NEK11: variants seen among roughly 807,000 people sequenced by gnomAD.
NEK11 encodes the protein NIMA related kinase 11, also known as serine/threonine-protein kinase Nek11.
A neutral mutation model predicts 80.7 loss-of-function variants in NEK11; 72 were observed. The observed-to-expected ratio is 0.89, with a 90% CI of 0.74 to 1.08. The LOEUF is 1.08. Among genes scored for constraint, NEK11 ranks in the 50% least tolerant of loss-of-function variants. The pLI is 0.00. For missense variants in NEK11, 764 were observed against 763.6 expected (o/e 1.00, Z -0.01); for synonymous variants, 251 against 260.7 (o/e 0.96, Z 0.36).
intron 17 of NEK11, among the ~76,000 whole-genome samples, chr3:131,317,825 G>GGGGGAGGGAGGGGGAGGGGAGGGGA (rs1381037538): frequency 1.4e-3 from 1 of 700 alleles, no homozygotes; most frequent in African/African-American, 4.9e-3. Flanking sequence ...AGGGGGAGGG[G>GGGGGAGGGAGGGGGAGGGGAGGGGA]AGGGGAGGGA....
At chr3:131,110,753 C>T (rs924248447) in intron 5 of NEK11, among the ~76,000 whole-genome samples, 2 of 152,012 alleles carry the variant, frequency 1.3e-5, no homozygotes, top group Admixed American at 1.3e-4. Context: ...TCTAACTATC[C>T]GTGGATGTCA....
At chr3:131,330,765 C>A (rs1015448647) in intron 17 of NEK11, 2 of 152,102 alleles carry the variant, frequency 1.3e-5, no homozygotes, top group African/African-American at 2.4e-5. Flanking sequence ...TAACAGAACA[C>A]CACAATCTGA....
chr3:131,030,689 C>T (rs969320760), intron 3 of NEK11, among the ~76,000 whole-genome samples: 2 of 152,196 alleles, frequency 1.3e-5, no homozygotes, highest in African/African-American at 4.8e-5. Context: ...AATGGACACT[C>T]CTATTTAAAA....
chr3:131,085,855 G>A (rs1181327724), intron 4 of NEK11, among the ~76,000 whole-genome samples: 1 of 152,038 alleles, frequency 6.6e-6, no homozygotes, highest in Non-Finnish European at 1.5e-5. Flanking sequence ...TCCAATCCAG[G>A]ATTCTACATT....
chr3:131,106,987 A>T lies in NEK11; in HGVS notation c.337-2816A>T, dbSNP rs188760044. 7.6e-3 allele frequency among the ~76,000 whole-genome samples: 1,163 copies of T among 152,222 alleles called. 15 individuals are homozygous for T. The highest frequency in any genetic ancestry group is 0.026 in the African/African-American group (1,082 of 41,562). On this transcript the variant is annotated intron_variant, in intron 4 of 17. Coordinates refer to ENST00000383366, the MANE Select transcript of NEK11 (RefSeq NM_024800.5). ...CTTTTGACTGATATTTGTAGAAAAGACTTAAGATTTTTTCCATTGGCCTTC... is the reference window on the plus strand; with the variant it reads ...CTTTTGACTGATATTTGTAGAAAAGTCTTAAGATTTTTTCCATTGGCCTTC...
chr3:131,059,036 A>T (rs2070271805), intron 3 of NEK11, among the ~76,000 whole-genome samples: 1 of 152,198 alleles, frequency 6.6e-6, no homozygotes, highest in Non-Finnish European at 1.5e-5. Flanking sequence ...CAAAAGAAAG[A>T]TTAAAAAAAT....
At chr3:131,031,386 T>G (rs1207583446) in intron 3 of NEK11, among the ~76,000 whole-genome samples, 1 of 152,178 alleles carries the variant, frequency 6.6e-6, no homozygotes, top group African/African-American at 2.4e-5. Context: ...CTGACAATTA[T>G]TAGATAACCT....
intron 4 of NEK11, among the ~76,000 whole-genome samples, chr3:131,101,962 T>A (rs1176625976): frequency 6.6e-6 from 1 of 152,212 alleles, no homozygotes. Flanking sequence ...TAAGCCTTTA[T>A]CATTATGTAA....
chr3:131,254,857 TA>T (rs2095775671), intron 16 of NEK11, among the ~76,000 whole-genome samples: 1 of 151,892 alleles, frequency 6.6e-6, no homozygotes, highest in African/African-American at 2.4e-5. Flanking sequence ...CCGTCTCTAC[TA>T]AAAATACAAA....
intron 17 of NEK11, among the ~76,000 whole-genome samples, chr3:131,309,987 TAAAAAAAAAAAAAAAA>T (rs558210123): frequency 3.4e-4 from 8 of 23,306 alleles, no homozygotes; most frequent in Non-Finnish European, 4.3e-4. Flanking sequence ...AGACCATGTT[TAAAAAAAAAAAAAAAA>T]AAAAAAAAAA....
At chr3:131,213,508 G>T (rs1344787041) in intron 14 of NEK11, among the ~76,000 whole-genome samples, 1 of 152,174 alleles carries the variant, frequency 6.6e-6, no homozygotes, top group African/African-American at 2.4e-5. Context: ...CTTTGTTAAT[G>T]AGAAAATACA....
At chr3:131,334,639 G>A (rs1458110471) in intron 17 of NEK11, among the ~76,000 whole-genome samples, 3 of 151,672 alleles carry the variant, frequency 2.0e-5, no homozygotes, top group African/African-American at 7.3e-5. Context: ...GAAGGAAATA[G>A]AGACACAAAA....
intron 14 of NEK11, among the ~76,000 whole-genome samples, chr3:131,192,171 TAA>T (rs2093822815): frequency 6.6e-6 from 1 of 152,068 alleles, no homozygotes; most frequent in African/African-American, 2.4e-5. Context: ...AGATGGCCAA[TAA>T]GCACATAAAA....
At chr3:131,177,771 A>G (rs2093117640) in intron 14 of NEK11, among the ~76,000 whole-genome samples, 1 of 152,224 alleles carries the variant, frequency 6.6e-6, no homozygotes, top group Non-Finnish European at 1.5e-5. Context: ...AAGTAGTTAT[A>G]TTATAAAAAT....
At chr3:131,065,414 C>A (rs936460856) in intron 3 of NEK11, among the ~76,000 whole-genome samples, 5 of 152,192 alleles carry the variant, frequency 3.3e-5, no homozygotes, top group Non-Finnish European at 5.9e-5. Flanking sequence ...CCCTCAACAT[C>A]TTAAAATCAT....
rs547356875 is a variant in NEK11 at position 131,166,705 on chromosome 3, T to G, written c.1176+1186T>G. On this transcript the variant is annotated intron_variant, in intron 12 of 17. Coordinates refer to ENST00000383366, the MANE Select transcript of NEK11 (RefSeq NM_024800.5). ...GGATCTGTTGCAGGCTACAGAGAAT[T>G]GGGAGATGGGTTCTTTCCTGCTCAG... 3.9e-5 allele frequency among the ~76,000 whole-genome samples: 6 copies of G among 152,196 alleles called. No homozygotes were observed. In the East Asian group the frequency reaches 1.2e-3, roughly 29 times the overall value.
intron 3 of NEK11, among the ~76,000 whole-genome samples, chr3:131,030,773 A>G (rs1671798017): frequency 6.6e-6 from 1 of 152,216 alleles, no homozygotes; most frequent in African/African-American, 2.4e-5. Context: ...CTTTCATAGT[A>G]GAGAAAAACT....
At position 131,109,899 on chromosome 3, in the gene NEK11, G is replaced by A. The variant is rs2079811678; in HGVS notation, c.433G>A (p.Gly145Arg). The A allele has an allele frequency of 6.2e-7, 1 of 1,600,318 alleles. No homozygotes were observed. The highest frequency in any genetic ancestry group is 8.5e-7 in the Non-Finnish European group (1 of 1,174,796). ...IIEWFIQLLL[G>R]VDYMHERRIL... The stretch of plus-strand genomic sequence containing the variant: ...AGAATGGTTTATCCAGCTGCTGCTG[G>A]GAGTTGACTACATGCATGAGAGGTA... Residue 145 changes from glycine (G) to arginine (R), a missense_variant, in exon 5 of 18, where the codon GGA becomes AGA. Transcript: ENST00000383366.
rs566649243 is a variant in NEK11, at chr3:131,083,638, G to A, written c.336+3050G>A. ...AAATGCTATCACTACCATTGAAATG[G>A]CTTATCTCTTTATCTCCAGGTTCCC... On this transcript the variant is annotated intron_variant, in intron 4 of 17. Coordinates refer to ENST00000383366, the MANE Select transcript of NEK11 (RefSeq NM_024800.5). 3.3e-5 allele frequency among the ~76,000 whole-genome samples: 5 copies of A among 152,224 alleles called. 1 individual carries two copies. In the South Asian group the frequency reaches 8.3e-4, roughly 25 times the overall value.
Sources: gnomAD v4.1 joint callset for allele counts (sites outside exome capture counted in the v4.1 genomes callset) on GRCh38, gnomAD v4.1.1 for gene constraint, MANE v1.5 for transcripts, NCBI Gene and HGNC (gene_info 2026-07-23, HGNC 2026-07-21) for gene names.